The following RPAP1 variants were observed in gnomAD, a reference collection of about 807,000 sequenced individuals.
RPAP1 encodes RNA polymerase II associated protein 1, also known as RNA polymerase II-associated protein 1.
RPAP1 carries 109 observed loss-of-function variants against 142.4 expected under a neutral mutation model. The ratio of observed to expected loss-of-function variants is 0.77; its 90% confidence interval spans 0.66 to 0.90. RPAP1 has a LOEUF of 0.90. Ranked by LOEUF, RPAP1 falls within the 40% of genes least tolerant of loss-of-function variation. The pLI, the probability that RPAP1 is intolerant of heterozygous loss-of-function variation, is 0.00. For synonymous variants in RPAP1, 704 were observed against 738.9 expected, an observed-to-expected ratio of 0.95 and a Z score of 0.77; for missense variants, 1,546 against 1,751.7, an observed-to-expected ratio of 0.88 and a Z score of 2.10.
In RPAP1 at chr15:41,536,992, G is replaced by A. The variant is rs1229144558; in HGVS notation, c.134C>T (p.Ser45Leu). The change falls in exon 2 of 25, where the codon TCA becomes TTA. Residue 45 changes from serine (S) to leucine (L), a missense_variant. Transcript: ENST00000304330. ...KGNRGGGDANSDRPPLQDHRD... is the reference protein window; with the variant it reads ...KGNRGGGDANLDRPPLQDHRD... ...ATGGTCCTGGAGCGGAGGCCGGTCT[G>A]AGTTGGCATCACCACCGCCCCTATT... is the stretch of plus-strand genomic sequence containing the variant. 12 of 1,614,100 alleles carry A rather than the reference G, an allele frequency of 7.4e-6. No individual in the cohort carries two copies. The highest frequency in any genetic ancestry group is 1.0e-5 in the Non-Finnish European group (12 of 1,180,010).
In RPAP1 at chr15:41,531,106, G is replaced by A. The variant is rs1225791298; in HGVS notation, c.860C>T (p.Ala287Val). 2 of 1,614,048 alleles carry A rather than the reference G, an allele frequency of 1.2e-6. No homozygotes were observed. The highest frequency in any genetic ancestry group is 1.7e-5 in the Admixed American group (1 of 60,016). ...GAGGGGTTCCTCCTTGGTGACATTA[G>A]CAGAGGGTCCTCCTGGCCTCTGCTC... is the stretch of plus-strand genomic sequence containing the variant. The part of the protein sequence containing the change: ...SEEQRPGGPS[A>V]NVTKEEPLMS... Residue 287 changes from alanine to valine, a missense_variant, in exon 7 of 25, where the codon GCT becomes GTT. This residue lies in a region of RPAP1 where 1,333 missense variants were observed against 1,486.6 expected (regional missense o/e 0.90). Coordinates refer to ENST00000304330, the MANE Select transcript of RPAP1 (RefSeq NM_015540.4).
At chr15:41,537,239 A>G (rs1328174958) in intron 1 of RPAP1, 38 bp from the exon 2 acceptor site, 2 of 1,015,080 alleles carry the variant, frequency 2.0e-6, no homozygotes, top group Non-Finnish European at 2.9e-6. Flanking sequence ...CTGCAACTGA[A>G]CCCTGATTCT....
Position 41,529,502 on chromosome 15 carries a change from G to A in RPAP1, c.1126C>T (p.Leu376=). The A allele has an allele frequency of 6.2e-7, 1 of 1,613,574 alleles. No homozygotes were observed. Among genetic ancestry groups the A allele is most frequent in the East Asian group, 2.2e-5 (1 of 44,874 alleles). The change falls in exon 9 of 25, where the codon CTG becomes TTG. Residue 376 remains leucine, a synonymous_variant. Coordinates refer to ENST00000304330, the MANE Select transcript of RPAP1 (RefSeq NM_015540.4). Reference sequence around the variant, plus strand: ...TCCTCTCCATGGTGGTGCAGACCCAGGTGGGTGGGCAGGTCCACGTCAGGG... The same window carrying A: ...TCCTCTCCATGGTGGTGCAGACCCAAGTGGGTGGGCAGGTCCACGTCAGGG... The part of the protein sequence containing the change: ...LAPDVDLPTH[L]GLHHHGEEAE...
chr15:41,523,870 C>G lies in RPAP1; in HGVS notation c.2337G>C (p.Leu779Phe). 6.2e-7 allele frequency: 1 copy of G among 1,607,922 alleles called. No homozygotes were observed. Among genetic ancestry groups the G allele is most frequent in the Non-Finnish European group, 8.5e-7 (1 of 1,177,044 alleles). The change falls in exon 17 of 25, where the codon TTG becomes TTC. Residue 779 changes from leucine to phenylalanine, a missense_variant. Physicochemically the swap from Leu to Phe is conservative, Grantham distance 22 (BLOSUM62 0). This residue lies in a region of RPAP1 where 1,333 missense variants were observed against 1,486.6 expected (regional missense o/e 0.90). Transcript: ENST00000304330. ...PLVEPCLRQT[L>F]KLLSRPEMWR... ...ACATCTCAGGTCTGGACAGCAACTT[C>G]AAGGTCTGCCTTAGACACGGCTCAA...
At chr15:41,535,192 T>C (rs975852998) in intron 5 of RPAP1, among the ~76,000 whole-genome samples, 2 of 152,216 alleles carry the variant, frequency 1.3e-5, no homozygotes, top group Non-Finnish European at 2.9e-5. Flanking sequence ...GGCAGGCATC[T>C]ATAGCCAGGG....
At chr15:41,535,363 C>T (rs2051895868) in intron 5 of RPAP1, 149 bp downstream of exon 5, 2 of 1,167,694 alleles carry the variant, frequency 1.7e-6, no homozygotes, top group Admixed American at 5.0e-5. Flanking sequence ...CAGATATGGA[C>T]CCAAGCCTCC....
Position 41,534,896 on chromosome 15 carries a change from C to T in RPAP1, c.581G>A (p.Gly194Asp), listed in dbSNP as rs921826426. The T allele has an allele frequency of 1.9e-6, 3 of 1,614,170 alleles. No homozygotes were observed. Among genetic ancestry groups the T allele is most frequent in the South Asian group, 1.1e-5 (1 of 91,086 alleles). The part of the protein sequence containing the change: ...TCETPTPRNQ[G>D]CQLPGSSHSF... ...GTGGCTGCTCCCAGGAAGCTGGCAG[C>T]CCTGGTTCCTAGGAGTGGGTGTCTC... The change falls in exon 6 of 25, where the codon GGC becomes GAC. Residue 194 changes from glycine to aspartate, a missense_variant. Transcript: ENST00000304330.
chr15:41,517,817 G>A lies in RPAP1; in HGVS notation c.4013C>T (p.Thr1338Ile). ...KAARRSMLQKTWLLADEGLRQ... is the reference protein window; with the variant it reads ...KAARRSMLQKIWLLADEGLRQ... Reference sequence around the variant, plus strand: ...CCCTACCTCATCTGCCAGCAGCCATGTTTTCTGCAGCATACTCCTGCGGGC... The same window carrying A: ...CCCTACCTCATCTGCCAGCAGCCATATTTTCTGCAGCATACTCCTGCGGGC... Residue 1338 changes from threonine (T) to isoleucine (I), a missense_variant, in exon 24 of 25, where the codon ACA becomes ATA. Around this residue, in one of 3 missense-constraint regions of RPAP1, gnomAD observed 210 missense variants for 248.0 expected, o/e 0.85. Coordinates refer to ENST00000304330, the MANE Select transcript of RPAP1 (RefSeq NM_015540.4). 3.1e-6 allele frequency: 5 copies of A among 1,614,208 alleles called. No homozygotes were observed. The highest frequency in any genetic ancestry group is 3.4e-6 in the Non-Finnish European group (4 of 1,180,042).
chr15:41,538,330 A>T (rs1218059204), intron 1 of RPAP1, among the ~76,000 whole-genome samples: 1 of 152,190 alleles, frequency 6.6e-6, no homozygotes, highest in East Asian at 1.9e-4. Context: ...AGCTTACTAC[A>T]GCCTCAAACT....
chr15:41,529,910 T>G lies in RPAP1; in HGVS notation c.1013A>C (p.His338Pro). 1 of 1,613,716 alleles carries G rather than the reference T, an allele frequency of 6.2e-7. No homozygotes were observed. Among genetic ancestry groups the G allele is most frequent in the Non-Finnish European group, 8.5e-7 (1 of 1,179,786 alleles). ...GACAGGGGGCAAGTCCTGGGTCCAG[T>G]GGAGCTTCTCCAGCTCGACAGTGTC... The part of the protein sequence containing the change: ...HMDTVELEKL[H>P]WTQDLPPVRR... The change falls in exon 8 of 25, where the codon CAC becomes CCC. Residue 338 changes from histidine to proline, a missense_variant. Around this residue, in one of 3 missense-constraint regions of RPAP1, gnomAD observed 1,333 missense variants for 1,486.6 expected, o/e 0.90. Coordinates refer to ENST00000304330, the MANE Select transcript of RPAP1 (RefSeq NM_015540.4).
chr15:41,538,413 G>C (rs1018094554), intron 1 of RPAP1, among the ~76,000 whole-genome samples: 2 of 152,110 alleles, frequency 1.3e-5, no homozygotes, highest in African/African-American at 4.8e-5. Flanking sequence ...GTAAATGTCA[G>C]AAACAGAATC....
chr15:41,520,354 G>T (rs1219793244), intron 22 of RPAP1, 37 bp downstream of exon 22: 1 of 1,610,738 alleles, frequency 6.2e-7, no homozygotes, highest in Non-Finnish European at 8.5e-7. Context: ...GCCCAGTGCA[G>T]GGTACCCTTG....
intron 21 of RPAP1, among the ~76,000 whole-genome samples, chr15:41,521,515 A>AT (rs879862723): frequency 6.6e-6 from 1 of 152,214 alleles, no homozygotes; most frequent in East Asian, 1.9e-4. Context: ...TTTAGATACC[A>AT]TTTTTTTAGC....
chr15:41,521,214 T>C, intron 21 of RPAP1, 67 bp from the exon 22 acceptor site: 1 of 1,470,028 alleles, frequency 6.8e-7, no homozygotes, highest in East Asian at 2.3e-5. Context: ...GTGCCAGCTC[T>C]TTGGAACTTC....
At chr15:41,532,224 G>A (rs2051859085) in intron 6 of RPAP1, among the ~76,000 whole-genome samples, 1 of 152,120 alleles carries the variant, frequency 6.6e-6, no homozygotes, top group African/African-American at 2.4e-5. Context: ...GTTTCACCGT[G>A]TTGGCCAGGA....
chr15:41,519,551 G>A (rs900650075), intron 22 of RPAP1: 1 of 152,124 alleles, frequency 6.6e-6, no homozygotes, highest in Non-Finnish European at 1.5e-5. Context: ...TAAGTCCTTA[G>A]CCTAATATTT....
chr15:41,542,841 T>A (rs892070217), intron 1 of RPAP1, among the ~76,000 whole-genome samples: 1 of 152,172 alleles, frequency 6.6e-6, no homozygotes, highest in African/African-American at 2.4e-5. Context: ...AAAGGGCAGA[T>A]AACCATATCT....
intron 15 of RPAP1, 91 bp from the exon 16 acceptor site, chr15:41,524,345 TGATA>T: frequency 8.6e-7 from 1 of 1,169,538 alleles, no homozygotes; most frequent in Non-Finnish European, 1.2e-6. Flanking sequence ...ATCTGCAGTT[TGATA>T]AAGGAGGATG....
At chr15:41,534,687 C>A in intron 6 of RPAP1, 27 bp downstream of exon 6, 2 of 1,564,326 alleles carry the variant, frequency 1.3e-6, no homozygotes, top group South Asian at 2.2e-5. Context: ...CTAGCCTGGT[C>A]TCAGCAGGAA....
Sources: gnomAD v4.1 joint callset for allele counts (sites outside exome capture counted in the v4.1 genomes callset) on GRCh38, gnomAD v4.1.1 for gene constraint, gnomAD v4.1.1 regional missense constraint, MANE v1.5 for transcripts, NCBI Gene and HGNC (gene_info 2026-07-23, HGNC 2026-07-21) for gene names.